Variants in NSMF observed in about 807,000 individuals in gnomAD.
The protein encoded by NSMF is NMDA receptor synaptonuclear signaling and neuronal migration factor.
NSMF carries 31 observed loss-of-function variants against 71.0 expected under a neutral mutation model. The observed-to-expected ratio is 0.44, with a 90% CI of 0.33 to 0.59. NSMF has a LOEUF of 0.59. Among genes scored for constraint, NSMF ranks in the 20% least tolerant of loss-of-function variants. NSMF has a pLI of 0.04. For missense variants in NSMF, 673 were observed against 740.5 expected, an observed-to-expected ratio of 0.91 and a Z score of 1.06; for synonymous variants, 345 against 287.1, an observed-to-expected ratio of 1.20 and a Z score of -2.04.
intron 10 of NSMF, 63 bp from the exon 11 acceptor site, chr9:137,452,649 C>A: frequency 6.2e-7 from 1 of 1,609,440 alleles, no homozygotes; most frequent in Non-Finnish European, 8.5e-7. Flanking sequence ...AGCGCCACAG[C>A]ACCCTGGGGA....
Position 137,452,725 on chromosome 9 carries a change from G to A in NSMF, c.1131+11C>T, listed in dbSNP as rs1431356162. On this transcript the variant is annotated intron_variant, in intron 10 of 15. Transcript: ENST00000371475. Reference sequence around the variant, plus strand: ...GGCATCTGTTGGGGGCAGGCCCGGGGCGGGACTCACGTAGAGGATGGGGAT... The same window carrying A: ...GGCATCTGTTGGGGGCAGGCCCGGGACGGGACTCACGTAGAGGATGGGGAT... The A allele has an allele frequency of 6.2e-7, 1 of 1,604,966 alleles. No homozygotes were observed. The highest frequency in any genetic ancestry group is 2.2e-5 in the East Asian group (1 of 44,600).
In NSMF at chr9:137,457,176, C is replaced by T. The variant is rs145768561; in HGVS notation, c.628+231G>A. Among the ~76,000 whole-genome samples, 6 of 152,270 alleles carry T rather than the reference C, an allele frequency of 3.9e-5. No homozygotes were observed. In the South Asian group the frequency reaches 1.0e-3, roughly 26 times the overall value. The stretch of plus-strand genomic sequence containing the variant: ...CTTGATTGACCTGGTGCTAGCAGGG[C>T]GAAAGCGGACTGTGAGGCCTGGCAG... On this transcript the variant is annotated intron_variant, in intron 3 of 15. Transcript: ENST00000371475.
intron 7 of NSMF, among the ~76,000 whole-genome samples, chr9:137,454,025 G>A (rs1830694151): frequency 6.6e-6 from 1 of 151,642 alleles, no homozygotes. Context: ...CAGAGGCGGA[G>A]TCTGGGAAGG....
rs938987326 is a variant in NSMF at position 137,452,557 on chromosome 9, G to A, written c.1161C>T (p.Ile387=). Residue 387 remains isoleucine, a synonymous_variant, in exon 11 of 16, where the codon ATC becomes ATT. Transcript: ENST00000371475. Reference sequence around the variant, plus strand: ...GAAGGCCAATGAGGCACATACCAAGGATGTCCTCGAAGGTTGCGTGCTCAT... The same window carrying A: ...GAAGGCCAATGAGGCACATACCAAGAATGTCCTCGAAGGTTGCGTGCTCAT... ...YDHEHATFED[I]LEEIERKLNV... 2.5e-6 allele frequency: 4 copies of A among 1,612,678 alleles called. No individual in the cohort carries two copies. Among genetic ancestry groups the A allele is most frequent in the African/African-American group, 1.3e-5 (1 of 75,042 alleles).
intron 3 of NSMF, among the ~76,000 whole-genome samples, 162 bp from the exon 4 acceptor site, chr9:137,456,648 G>C (rs1277050764): frequency 6.6e-6 from 1 of 152,212 alleles, no homozygotes; most frequent in Non-Finnish European, 1.5e-5. Context: ...ACAGAGGGCA[G>C]TGCTCGAATG....
In NSMF at chr9:137,449,405, C is replaced by T. The variant is rs776134317; in HGVS notation, c.1582G>A (p.Asp528Asn). 7.4e-6 allele frequency: 12 copies of T among 1,612,530 alleles called. No homozygotes were observed. Among genetic ancestry groups the T allele is most frequent in the East Asian group, 2.2e-5 (1 of 44,896 alleles). ...RQHSKLLDFD[D>N]VL ...GAGGCCTCTGCCCCTCACAGGACGTCGTCAAAGTCCAGCAGCTTCGAGTGC... is the reference window on the plus strand; with the variant it reads ...GAGGCCTCTGCCCCTCACAGGACGTTGTCAAAGTCCAGCAGCTTCGAGTGC... Residue 528 changes from aspartate to asparagine, a missense_variant, in exon 16 of 16, where the codon GAC becomes AAC. Asp to Asn is a conservative substitution (Grantham distance 23). Coordinates refer to ENST00000371475, the MANE Select transcript of NSMF (RefSeq NM_001130969.3).
chr9:137,456,234 G>A, intron 4 of NSMF, 177 bp downstream of exon 4: 1 of 717,346 alleles, frequency 1.4e-6, no homozygotes, highest in Non-Finnish European at 2.6e-6. Flanking sequence ...CACCAGCCAT[G>A]GGAGGGGAAG....
chr9:137,454,452 G>C lies in NSMF; in HGVS notation c.780-9C>G. 1 of 1,550,220 alleles carries C rather than the reference G, an allele frequency of 6.5e-7. No homozygotes were observed. The highest frequency in any genetic ancestry group is 8.7e-7 in the Non-Finnish European group (1 of 1,146,858). On this transcript the variant is annotated splice_polypyrimidine_tract_variant and intron_variant, in intron 6 of 15. Coordinates refer to ENST00000371475, the MANE Select transcript of NSMF (RefSeq NM_001130969.3). ...GGTGTTTGCGGAAGTTCCTGGGGGA[G>C]GAAGCCAGGGGCTGAAGAGGGCCGT...
chr9:137,456,744 T>C (rs1008427818), intron 3 of NSMF, among the ~76,000 whole-genome samples: 4 of 152,172 alleles, frequency 2.6e-5, no homozygotes, highest in African/African-American at 7.2e-5. Context: ...CCACCCAAAG[T>C]TTGAGAAACA....
In NSMF at chr9:137,457,862, G is replaced by T; in HGVS notation, c.173C>A (p.Ser58Tyr). 1.3e-6 allele frequency: 2 copies of T among 1,550,212 alleles called. No individual in the cohort carries two copies. Among genetic ancestry groups the T allele is most frequent in the South Asian group, 1.2e-5 (1 of 84,420 alleles). ...LADAYSGHDG[S>Y]PEMQPAPQNK... ...CTGGGGGGCCGGCTGCATCTCGGGG[G>T]ACCCGTCGTGGCCAGAGTAGGCATC... Residue 58 changes from serine to tyrosine, a missense_variant, in exon 3 of 16, where the codon TCC becomes TAC. Physicochemically the swap from Ser to Tyr is moderately radical, Grantham distance 144. Transcript: ENST00000371475.
intron 5 of NSMF, 76 bp from the exon 6 acceptor site, chr9:137,455,383 G>T: frequency 1.3e-6 from 2 of 1,529,546 alleles, no homozygotes; most frequent in Non-Finnish European, 1.8e-6. Context: ...AGTGGTGCGA[G>T]CAGAGGGCCC....
chr9:137,449,884 T>G, intron 14 of NSMF, 39 bp downstream of exon 14: 2 of 1,548,512 alleles, frequency 1.3e-6, no homozygotes, highest in Non-Finnish European at 1.8e-6. Context: ...ACGTCGGGGG[T>G]TTCCAGAGGT....
rs540506846 is a variant in NSMF, at chr9:137,452,206, G to A, written c.1236+159C>T. On this transcript the variant is annotated intron_variant, in intron 12 of 15. Coordinates refer to ENST00000371475, the MANE Select transcript of NSMF (RefSeq NM_001130969.3). ...TCTTCCCCTTGGTCTCCACCCCCAC[G>A]CCTCTTCCCCTTGGTCTCCCCCACA... Among the ~76,000 whole-genome samples the A allele has an allele frequency of 9.9e-3, 62 of 6,232 alleles. No individual in the cohort carries two copies. Among genetic ancestry groups the A allele is most frequent in the African/African-American group, 0.036 (42 of 1,172 alleles). 4.1% of individuals were successfully genotyped at this position (6,232 alleles called of 152,430 possible).
chr9:137,457,884 C>G lies in NSMF; in HGVS notation c.151G>C (p.Ala51Pro). The G allele has an allele frequency of 6.5e-7, 1 of 1,545,246 alleles. No individual in the cohort carries two copies. The highest frequency in any genetic ancestry group is 8.7e-7 in the Non-Finnish European group (1 of 1,148,848). Residue 51 changes from alanine to proline, a missense_variant, in exon 3 of 16, where the codon GCC becomes CCC. Physicochemically the swap from Ala to Pro is conservative, Grantham distance 27. Around this residue, in one of 2 missense-constraint regions of NSMF, gnomAD observed 471 missense variants for 459.6 expected, o/e 1.02. Coordinates refer to ENST00000371475, the MANE Select transcript of NSMF (RefSeq NM_001130969.3). The stretch of plus-strand genomic sequence containing the variant: ...GGGGACCCGTCGTGGCCAGAGTAGG[C>G]ATCAGCCAGCAGGTGATCTAGGAGA... The part of the protein sequence containing the change: ...RNGADHLLAD[A>P]YSGHDGSPEM...
At position 137,453,847 on chromosome 9, in the gene NSMF, G is replaced by C. The variant is rs1197158560; in HGVS notation, c.833-27C>G. 14 of 1,554,824 alleles carry C rather than the reference G, an allele frequency of 9.0e-6. No individual in the cohort carries two copies. The highest frequency in any genetic ancestry group is 1.9e-5 in the Admixed American group (1 of 53,672). On this transcript the variant is annotated intron_variant, in intron 7 of 15. Transcript: ENST00000371475. This position sits in a 1 kb window ranked among gnomAD's most constrained non-coding sequence, Gnocchi z 4.5. The stretch of plus-strand genomic sequence containing the variant: ...TGCAGAGAGCAAAACCCGCATTAGC[G>C]AGCGGGTGGGGCGGGGCCTCGGGAG...
chr9:137,450,336 G>C, intron 12 of NSMF, 81 bp from the exon 13 acceptor site: 3 of 1,193,602 alleles, frequency 2.5e-6, no homozygotes, highest in East Asian at 4.7e-5. Flanking sequence ...ATGCGTGGGA[G>C]GTAGTTTTGG....
In NSMF at chr9:137,452,787, G is replaced by A. The variant is rs763159652; in HGVS notation, c.1080C>T (p.Tyr360=). 6.2e-7 allele frequency: 1 copy of A among 1,606,604 alleles called. No homozygotes were observed. The highest frequency in any genetic ancestry group is 8.5e-7 in the Non-Finnish European group (1 of 1,177,736). ...LISSKVPKAE[Y]IPTIIRRDDP... Reference sequence around the variant, plus strand: ...CATCCCGGCGGATGATAGTGGGGATGTACTCAGCCTTGGGCACCTTGGAGG... The same window carrying A: ...CATCCCGGCGGATGATAGTGGGGATATACTCAGCCTTGGGCACCTTGGAGG... Residue 360 remains tyrosine (Y), a synonymous_variant, in exon 10 of 16, where the codon TAC becomes TAT. Transcript: ENST00000371475.
chr9:137,452,307 T>C, intron 12 of NSMF, 58 bp downstream of exon 12: 1 of 1,523,876 alleles, frequency 6.6e-7, no homozygotes, highest in Non-Finnish European at 9.0e-7. Context: ...TTCCCCTTGG[T>C]CTTCCCCTGC....
chr9:137,450,292 C>G (rs371083636), intron 12 of NSMF, 37 bp from the exon 13 acceptor site: 1 of 1,554,400 alleles, frequency 6.4e-7, no homozygotes, highest in Admixed American at 1.7e-5. Context: ...GCTCCTCCTT[C>G]CTCCCCCTCT....
Sources: gnomAD v4.1 joint callset for allele counts (sites outside exome capture counted in the v4.1 genomes callset) on GRCh38, gnomAD v4.1.1 for gene constraint, gnomAD v4.1.1 regional missense constraint, Gnocchi (gnomAD v3.1) non-coding constraint, MANE v1.5 for transcripts, NCBI Gene and HGNC (gene_info 2026-07-23, HGNC 2026-07-21) for gene names.